The following ADAMTSL1 variants were observed in gnomAD, a reference collection of about 807,000 sequenced individuals.
ADAMTSL1 encodes ADAMTS-like protein 1.
A neutral mutation model predicts 201.8 loss-of-function variants in ADAMTSL1; 126 were observed. The ratio of observed to expected loss-of-function variants is 0.62; its 90% confidence interval spans 0.54 to 0.72. The LOEUF (loss-of-function observed/expected upper bound fraction) is 0.72. Among genes scored for constraint, ADAMTSL1 ranks in the 30% least tolerant of loss-of-function variants. ADAMTSL1 has a pLI of 0.00. For missense variants in ADAMTSL1, 2,679 were observed against 2,277.8 expected (o/e 1.18, Z -3.59); for synonymous variants, 1,121 against 903.4 (o/e 1.24, Z -4.32).
intron 7 of ADAMTSL1, 107 bp from the exon 8 acceptor site, chr9:18,657,532 C>A (rs1052150225): frequency 5.2e-6 from 4 of 769,962 alleles, no homozygotes; most frequent in African/African-American, 3.4e-5. Flanking sequence ...CAGTCCCTCA[C>A]ACAGCCTAAA....
intron 3 of ADAMTSL1, among the ~76,000 whole-genome samples, chr9:18,553,165 C>T (rs1443760402): frequency 6.7e-6 from 1 of 149,628 alleles, no homozygotes; most frequent in Non-Finnish European, 1.5e-5. Flanking sequence ...CCTGCTTTTC[C>T]AATGTTTCCT....
chr9:18,837,487 C>G lies in ADAMTSL1; in HGVS notation c.4249+7510C>G, dbSNP rs529658904. Among the ~76,000 whole-genome samples the G allele has an allele frequency of 7.4e-4, 113 of 152,262 alleles. 1 individual carries two copies. The highest frequency in any genetic ancestry group is 2.6e-3 in the African/African-American group (108 of 41,538). ...CTTATACCACATTCTACTTAATGCCCTATAAATCATAAGGTCTGGCTTGTG... is the reference window on the plus strand; with the variant it reads ...CTTATACCACATTCTACTTAATGCCGTATAAATCATAAGGTCTGGCTTGTG... On this transcript the variant is annotated intron_variant, in intron 23 of 28. Coordinates refer to ENST00000380548, the MANE Select transcript of ADAMTSL1 (RefSeq NM_001040272.6).
At chr9:18,650,927 C>A (rs142887744) in intron 7 of ADAMTSL1, among the ~76,000 whole-genome samples, 385 of 152,192 alleles carry the variant, frequency 2.5e-3, no homozygotes, top group Non-Finnish European at 4.3e-3. Flanking sequence ...CTTGAAGGAG[C>A]CTTTTTGAGG....
At chr9:18,650,334 T>C (rs141707905) in intron 7 of ADAMTSL1, among the ~76,000 whole-genome samples, 2,899 of 152,292 alleles carry the variant, frequency 0.019, 103 homozygotes, top group African/African-American at 0.066. Context: ...CCCTGACCCC[T>C]TGCACTTCCT....
intron 1 of ADAMTSL1, among the ~76,000 whole-genome samples, chr9:18,128,866 G>A (rs1825841808): frequency 6.6e-6 from 1 of 152,024 alleles, no homozygotes; most frequent in Admixed American, 6.6e-5. Context: ...GGCCATAGAA[G>A]GCTTTTGTAT....
intron 2 of ADAMTSL1, among the ~76,000 whole-genome samples, chr9:18,320,556 C>T (rs553918753): frequency 6.6e-6 from 1 of 152,072 alleles, no homozygotes; most frequent in South Asian, 2.1e-4. Context: ...GATGGAACTC[C>T]AAATCTAGAG....
intron 2 of ADAMTSL1, among the ~76,000 whole-genome samples, chr9:18,351,546 G>A (rs1835965377): frequency 6.6e-6 from 1 of 151,992 alleles, no homozygotes. Context: ...AGAGAGTGTT[G>A]GCATTTGATT....
At position 18,880,122 on chromosome 9, in the gene ADAMTSL1, T is replaced by A. The variant is rs899786714; in HGVS notation, c.4250-7709T>A. Among the ~76,000 whole-genome samples, 5 of 152,316 alleles carry A rather than the reference T, an allele frequency of 3.3e-5. No homozygotes were observed. In the East Asian group the frequency reaches 7.7e-4, roughly 23 times the overall value. On this transcript the variant is annotated intron_variant, in intron 23 of 28. Coordinates refer to ENST00000380548, the MANE Select transcript of ADAMTSL1 (RefSeq NM_001040272.6). The stretch of plus-strand genomic sequence containing the variant: ...TTACTTCTCATACTAGTTCTCTTGT[T>A]ATTTCTACCACATCTGCAGTGACTT...
chr9:18,196,075 C>G (rs773446680), intron 2 of ADAMTSL1, among the ~76,000 whole-genome samples: 2 of 152,012 alleles, frequency 1.3e-5, no homozygotes, highest in Non-Finnish European at 2.9e-5. Context: ...CACGGGTGGA[C>G]GTTTTGTAAC....
At chr9:18,212,127 T>C (rs1292994547) in intron 2 of ADAMTSL1, among the ~76,000 whole-genome samples, 2 of 152,156 alleles carry the variant, frequency 1.3e-5, no homozygotes, top group Non-Finnish European at 2.9e-5. Context: ...ACAAGGTGTG[T>C]GTATTAACGT....
intron 1 of ADAMTSL1, among the ~76,000 whole-genome samples, chr9:18,102,188 G>A (rs1824557580): frequency 1.3e-5 from 2 of 152,026 alleles, no homozygotes; most frequent in Non-Finnish European, 2.9e-5. Context: ...AACCTAAGCT[G>A]ATCTTTTCAT....
At chr9:18,223,769 G>A (rs199963760) in intron 2 of ADAMTSL1, among the ~76,000 whole-genome samples, 5 of 151,662 alleles carry the variant, frequency 3.3e-5, no homozygotes, top group African/African-American at 4.8e-5. Flanking sequence ...TGCTTCTTTT[G>A]TCTCTCACCC....
In ADAMTSL1 at chr9:18,889,643, T is replaced by G. The variant is rs772908903; in HGVS notation, c.4538T>G (p.Leu1513Trp). The change falls in exon 25 of 29, where the codon TTG becomes TGG. Residue 1513 changes from leucine (L) to tryptophan (W), a missense_variant. Physicochemically the swap from Leu to Trp is moderately conservative, Grantham distance 61. Transcript: ENST00000380548. ...AACCGGGGGGTTCAGCAGCCCCGCT[T>G]GAGGTGCCTGCTGAACAGCACGGAG... ...CGNRGVQQPR[L>W]RCLLNSTEVN... 3.0e-5 allele frequency: 48 copies of G among 1,612,800 alleles called. 1 individual carries two copies. The South Asian group carries it at 5.2e-4, about 17-fold the overall frequency.
At chr9:18,512,831 C>A (rs926923895) in intron 2 of ADAMTSL1, among the ~76,000 whole-genome samples, 1 of 152,082 alleles carries the variant, frequency 6.6e-6, no homozygotes, top group Admixed American at 6.5e-5. Context: ...TTTTACAGTG[C>A]TTAGCACACA....
chr9:18,661,299 A>T (rs1829075810), intron 8 of ADAMTSL1, among the ~76,000 whole-genome samples: 1 of 152,212 alleles, frequency 6.6e-6, no homozygotes, highest in South Asian at 2.1e-4. Flanking sequence ...TGAATATAAC[A>T]AAAATGGAAC....
At chr9:18,260,013 TTA>T (rs1226193396) in intron 2 of ADAMTSL1, among the ~76,000 whole-genome samples, 1 of 152,212 alleles carries the variant, frequency 6.6e-6, no homozygotes, top group Non-Finnish European at 1.5e-5. Flanking sequence ...AAATTAGTTT[TTA>T]TCTTATTTTA....
chr9:18,277,179 A>G (rs369221216), intron 2 of ADAMTSL1, among the ~76,000 whole-genome samples: 16 of 152,262 alleles, frequency 1.1e-4, no homozygotes, highest in African/African-American at 3.6e-4. Context: ...TATCCTGCAT[A>G]ATGTTCTTTG....
chr9:18,565,809 A>G (rs949525437), intron 3 of ADAMTSL1, among the ~76,000 whole-genome samples: 1 of 152,238 alleles, frequency 6.6e-6, no homozygotes, highest in Non-Finnish European at 1.5e-5. Flanking sequence ...CATAGCAGCT[A>G]GCAATCTTGC....
chr9:17,907,737 A>T (rs1286162656), intron 1 of ADAMTSL1, among the ~76,000 whole-genome samples: 1 of 152,162 alleles, frequency 6.6e-6, no homozygotes, highest in Non-Finnish European at 1.5e-5. Flanking sequence ...GGAAGAGGGC[A>T]GGGGTCCAGG....
Sources: gnomAD v4.1 joint callset for allele counts (sites outside exome capture counted in the v4.1 genomes callset) on GRCh38, gnomAD v4.1.1 for gene constraint, MANE v1.5 for transcripts, NCBI Gene and HGNC (gene_info 2026-07-23, HGNC 2026-07-21) for gene names.